CDH2: variants seen among roughly 807,000 people sequenced by gnomAD.
The protein encoded by CDH2 is cadherin 2.
Under a neutral mutation model 92.0 loss-of-function variants are expected in CDH2, and 17 were observed. The observed-to-expected ratio is 0.18, with a 90% CI of 0.13 to 0.28. CDH2 has a LOEUF of 0.28. Ranked by LOEUF, CDH2 falls within the 10% of genes least tolerant of loss-of-function variation. The pLI, the probability that CDH2 is intolerant of heterozygous loss-of-function variation, is 1.00. For synonymous variants in CDH2, 419 were observed against 415.9 expected, an observed-to-expected ratio of 1.01 and a Z score of -0.09; for missense variants, 862 against 1,133.1, an observed-to-expected ratio of 0.76 and a Z score of 3.44.
At chr18:28,133,956 T>G (rs2144300396) in intron 2 of CDH2, among the ~76,000 whole-genome samples, 1 of 152,054 alleles carries the variant, frequency 6.6e-6, no homozygotes, top group South Asian at 2.1e-4. Context: ...CCCAGCAGTT[T>G]GAGACCAGCC....
rs2012463694 is a variant in CDH2, at chr18:27,992,808, G to A, written c.1191C>T (p.Asp397=). 6.2e-7 allele frequency: 1 copy of A among 1,613,728 alleles called. No individual in the cohort carries two copies. Among genetic ancestry groups the A allele is most frequent in the South Asian group, 1.1e-5 (1 of 91,004 alleles). The change falls in exon 9 of 16, where the codon GAC becomes GAT. Residue 397 remains aspartate, a synonymous_variant. Transcript: ENST00000269141. The stretch of plus-strand genomic sequence containing the variant: ...TCACAGTTAGATTAGCTACTATGAT[G>A]TCTACCCTGTTCTCAGGAACTTCAC... The part of the protein sequence containing the change: ...FYGEVPENRV[D]IIVANLTVTD...
chr18:28,105,062 T>C (rs2015299953), intron 2 of CDH2, among the ~76,000 whole-genome samples: 1 of 152,148 alleles, frequency 6.6e-6, no homozygotes. Flanking sequence ...ACAACCCTTC[T>C]TATACTATTC....
At chr18:27,997,160 C>G (rs1400281995) in intron 7 of CDH2, among the ~76,000 whole-genome samples, 1 of 152,240 alleles carries the variant, frequency 6.6e-6, no homozygotes, top group Non-Finnish European at 1.5e-5. Context: ...GCTGTGTCCG[C>G]TTGCTGTCCT....
intron 2 of CDH2, among the ~76,000 whole-genome samples, chr18:28,116,177 G>A (rs1336270386): frequency 6.6e-6 from 1 of 152,084 alleles, no homozygotes; most frequent in Admixed American, 6.6e-5. Context: ...CAACAGTGCT[G>A]AGGTTGAAAA....
chr18:27,990,189 C>G lies in CDH2; in HGVS notation c.1506G>C (p.Lys502Asn), dbSNP rs778627728. Residue 502 changes from lysine to asparagine, a missense_variant, in exon 10 of 16, where the codon AAG becomes AAC. Physicochemically the swap from Lys to Asn is moderately conservative, Grantham distance 94. Transcript: ENST00000269141. ...NENPYFAPNPKIIRQEEGLHA... is the reference protein window; with the variant it reads ...NENPYFAPNPNIIRQEEGLHA... The stretch of plus-strand genomic sequence containing the variant: ...GAAGCCCTTCTTCTTGGCGAATGAT[C>G]TTAGGATTGGGGGCAAAATAAGGGT... 4 of 1,614,070 alleles carry G rather than the reference C, an allele frequency of 2.5e-6. No individual in the cohort carries two copies. The South Asian group carries it at 4.4e-5, about 18-fold the overall frequency.
chr18:27,950,145 G>C (rs1210400263), downstream of CDH2, among the ~76,000 whole-genome samples: 2 of 151,964 alleles, frequency 1.3e-5, no homozygotes, highest in Non-Finnish European at 2.9e-5. Context: ...AAAGTAACAA[G>C]AAAGTATTGC....
At chr18:28,015,049 C>T (rs780601593) in intron 2 of CDH2, among the ~76,000 whole-genome samples, 1 of 152,044 alleles carries the variant, frequency 6.6e-6, no homozygotes, top group Admixed American at 6.6e-5. Flanking sequence ...CGACATATTA[C>T]AAAATATAAT....
At chr18:28,108,473 C>G (rs1313711208) in intron 2 of CDH2, among the ~76,000 whole-genome samples, 1 of 152,100 alleles carries the variant, frequency 6.6e-6, no homozygotes. Context: ...ACACTTGAGT[C>G]CTGGCCAAGT....
chr18:27,989,940 A>C lies in CDH2; in HGVS notation c.1598+157T>G, dbSNP rs185211890. Among the ~76,000 whole-genome samples, 209 of 152,344 alleles carry C rather than the reference A, an allele frequency of 1.4e-3. 1 individual carries two copies. The highest frequency in any genetic ancestry group is 0.01 in the Middle Eastern group (3 of 294). ...CTATTTATATCTAATATAGTCATTG[A>C]CTTACTGAGAAGAAAATTCAAAGAA... On this transcript the variant is annotated intron_variant, in intron 10 of 15. Coordinates refer to ENST00000269141, the MANE Select transcript of CDH2 (RefSeq NM_001792.5).
At chr18:28,142,080 TTTA>T (rs2015962853) in intron 2 of CDH2, among the ~76,000 whole-genome samples, 1 of 152,088 alleles carries the variant, frequency 6.6e-6, no homozygotes, top group Non-Finnish European at 1.5e-5. Context: ...ATTTTACTTA[TTTA>T]TTGAGTTTCT....
At chr18:28,005,459 T>C (rs1264303941) in intron 6 of CDH2, among the ~76,000 whole-genome samples, 2 of 152,190 alleles carry the variant, frequency 1.3e-5, no homozygotes, top group Non-Finnish European at 2.9e-5. Flanking sequence ...CTGTGTTAAA[T>C]TGCTGCTACG....
intron 1 of CDH2, among the ~76,000 whole-genome samples, chr18:28,171,317 CCCT>C (rs1357795651): frequency 1.3e-5 from 2 of 151,882 alleles, no homozygotes; most frequent in African/African-American, 2.4e-5. Flanking sequence ...AATGTTGACC[CCCT>C]ATCACTCAAT....
At chr18:28,053,893 C>A (rs959807558) in intron 2 of CDH2, among the ~76,000 whole-genome samples, 1 of 152,102 alleles carries the variant, frequency 6.6e-6, no homozygotes, top group African/African-American at 2.4e-5. Context: ...ATCTTTCTTA[C>A]GGGCTCCCGA....
At chr18:27,992,914 C>A (rs923707815) in intron 8 of CDH2, 74 bp from the exon 9 acceptor site, 1 of 1,096,474 alleles carries the variant, frequency 9.1e-7, no homozygotes, top group African/African-American at 1.5e-5. Flanking sequence ...ATGACCACAC[C>A]GTCCGATTTT....
chr18:27,996,318 T>G (rs2012579264), intron 7 of CDH2, among the ~76,000 whole-genome samples: 1 of 152,130 alleles, frequency 6.6e-6, no homozygotes, highest in South Asian at 2.1e-4. Flanking sequence ...CACTCCTTAG[T>G]TGTGACAACC....
chr18:28,171,579 T>C (rs1169164314), intron 1 of CDH2, among the ~76,000 whole-genome samples: 2 of 152,180 alleles, frequency 1.3e-5, no homozygotes, highest in Admixed American at 1.3e-4. Flanking sequence ...ATAAAAAATA[T>C]AGATGACTTT....
chr18:28,056,658 TCAAACTTCCCAAAAGGAAATTCTAA>T (rs896389417), intron 2 of CDH2, among the ~76,000 whole-genome samples: 7 of 152,188 alleles, frequency 4.6e-5, no homozygotes, highest in Admixed American at 6.5e-5. Flanking sequence ...AAACCTTTGA[TCAAACTTCCCAAAAGGAAATTCTAA>T]CAAACTTCCC....
At chr18:28,007,184 ATATATATATACGAG>A (rs1330877606) in intron 5 of CDH2, among the ~76,000 whole-genome samples, 2 of 144,844 alleles carry the variant, frequency 1.4e-5, no homozygotes, top group African/African-American at 5.1e-5. Flanking sequence ...ATATATATAT[ATATATATATACGAG>A]TATATACGAT....
Position 27,985,186 on chromosome 18 carries a change from T to C in CDH2, c.2023A>G (p.Ile675Val). Residue 675 changes from isoleucine to valine, a missense_variant, in exon 13 of 16, where the codon ATC becomes GTC. Coordinates refer to ENST00000269141, the MANE Select transcript of CDH2 (RefSeq NM_001792.5). ...GTGATTATGATGGGAACTTCATAGA[T>C]ACCAGCTTCAAGAAATTTTATCTTT... Reference protein sequence around the residue: ...NLKIKFLEAGIYEVPIIITDS... With the variant: ...NLKIKFLEAGVYEVPIIITDS... 6.2e-7 allele frequency: 1 copy of C among 1,612,624 alleles called. No individual in the cohort carries two copies. Among genetic ancestry groups the C allele is most frequent in the African/African-American group, 1.3e-5 (1 of 75,010 alleles).
Sources: gnomAD v4.1 joint callset for allele counts (sites outside exome capture counted in the v4.1 genomes callset) on GRCh38, gnomAD v4.1.1 for gene constraint, MANE v1.5 for transcripts, NCBI Gene and HGNC (gene_info 2026-07-23, HGNC 2026-07-21) for gene names.